HACD4: variants seen among roughly 807,000 people sequenced by gnomAD.
HACD4 encodes the protein 3-hydroxyacyl-CoA dehydratase 4.
A neutral mutation model predicts 33.3 loss-of-function variants in HACD4; 35 were observed. The ratio of observed to expected loss-of-function variants is 1.05; its 90% CI spans 0.80 to 1.39. HACD4 has a LOEUF of 1.39. HACD4 is among the 40% of genes most tolerant of loss of function. HACD4 has a pLI of 0.00. For missense variants in HACD4, 323 were observed against 276.5 expected (o/e 1.17, Z -1.19); for synonymous variants, 118 against 98.0 (o/e 1.20, Z -1.21).
At chr9:21,007,973 C>T (rs771861026) in intron 6 of HACD4, 48 bp downstream of exon 6, 4 of 1,539,284 alleles carry the variant, frequency 2.6e-6, no homozygotes, top group Non-Finnish European at 3.5e-6. Flanking sequence ...AAGCACTAAC[C>T]AAAAAGTACA....
chr9:21,023,260 C>G (rs1817973964), intron 3 of HACD4, among the ~76,000 whole-genome samples: 2 of 151,672 alleles, frequency 1.3e-5, no homozygotes, highest in East Asian at 3.9e-4. Context: ...GGAGATATAC[C>G]TAATATAAAT....
At position 21,026,682 on chromosome 9, in the gene HACD4, G is replaced by A. The variant is rs763725164; in HGVS notation, c.184C>T (p.Arg62Ter). Residue 62 changes from arginine to a stop codon, truncating the protein, a stop_gained, in exon 3 of 7, where the codon CGA (arginine) becomes TGA (stop). Transcript: ENST00000495827. LOFTEE classifies it high-confidence loss of function. ...DTFYAIGLVM[R>*]LCQSVSLLEL... ...AGGAGAGATACGGATTGGCAAAGTC[G>A]CATCACAAGTCCAATAGCATAAAAA... is the stretch of plus-strand genomic sequence containing the variant. 3.1e-6 allele frequency: 5 copies of A among 1,612,632 alleles called. No homozygotes were observed. The highest frequency in any genetic ancestry group is 2.7e-5 in the African/African-American group (2 of 74,876).
At chr9:21,007,242 T>C (rs1842293156) in intron 6 of HACD4, 123 bp from the exon 7 acceptor site, 1 of 645,134 alleles carries the variant, frequency 1.6e-6, no homozygotes, top group Non-Finnish European at 2.8e-6. Context: ...GCAAGGGAGA[T>C]GTGAGAAGGA....
intron 3 of HACD4, among the ~76,000 whole-genome samples, chr9:21,019,362 A>G (rs992883878): frequency 2.0e-5 from 3 of 152,148 alleles, no homozygotes; most frequent in Admixed American, 1.3e-4. Context: ...TTAAGTAATT[A>G]TACCAGAGAT....
rs1014060801 is a variant in HACD4, at chr9:21,005,976, C to A, written c.*1061G>T. ...AGTTCAAAGCTGGAAAGGAATTTTA[C>A]CTCAGGATGAATTCTACCTTGAATC... On this transcript the variant is annotated 3_prime_UTR_variant, in exon 7 of 7. Coordinates refer to ENST00000495827, the MANE Select transcript of HACD4 (RefSeq NM_001010915.5). The surrounding 1 kb of genome is among the most constrained non-coding windows in gnomAD (Gnocchi z 4.0). 6.6e-6 allele frequency: 1 copy of A among 152,204 alleles called. No individual in the cohort carries two copies. The highest frequency in any genetic ancestry group is 2.4e-5 in the African/African-American group (1 of 41,446). 9.4% of individuals were successfully genotyped at this position (152,204 alleles called of 1,614,324 possible). A position where few individuals can be genotyped will look rare whatever the true frequency, so the allele number is the denominator to read the frequency against.
chr9:21,011,289 T>C (rs1270907830), intron 5 of HACD4, among the ~76,000 whole-genome samples: 1 of 152,214 alleles, frequency 6.6e-6, no homozygotes, highest in Non-Finnish European at 1.5e-5. Flanking sequence ...AATGTTAACT[T>C]CTTTTTGGTG....
At chr9:21,016,884 A>G (rs980606105) in intron 3 of HACD4, among the ~76,000 whole-genome samples, 3 of 152,122 alleles carry the variant, frequency 2.0e-5, no homozygotes, top group African/African-American at 7.2e-5. Context: ...AGCATTTACA[A>G]ATCATTGAGA....
At chr9:21,016,142 A>C in intron 3 of HACD4, 132 bp from the exon 4 acceptor site, 1 of 563,130 alleles carries the variant, frequency 1.8e-6, no homozygotes, top group Non-Finnish European at 3.1e-6. Flanking sequence ...ACTGTTAACA[A>C]TGCCTCCCTC....
Position 21,031,582 on chromosome 9 carries a change from G to T in HACD4, c.9C>A (p.Pro3=). The T allele has an allele frequency of 7.0e-7, 1 of 1,438,608 alleles. No homozygotes were observed. 89.1% of individuals were successfully genotyped at this position (1,438,608 alleles called of 1,614,324 possible). A position where few individuals can be genotyped will look rare whatever the true frequency, so the allele number is the denominator to read the frequency against. The change falls in exon 1 of 7, where the codon CCC becomes CCA. Residue 3 remains proline (P), a synonymous_variant. Transcript: ENST00000495827. ...GCTGCAGCCAGGCGGGCAGCGCCAA[G>T]GGCCCCATGGGCCGCCGCCGCCAGG... MG[P]LALPAWLQPR...
chr9:21,030,398 C>T (rs749216576), intron 1 of HACD4, among the ~76,000 whole-genome samples: 1 of 151,884 alleles, frequency 6.6e-6, no homozygotes, highest in African/African-American at 2.4e-5. Flanking sequence ...ACCGAGACAG[C>T]GCCACTGCAC....
Position 21,029,332 on chromosome 9 carries a change from A to G in HACD4, c.105T>C (p.Phe35=). ...LIQFCGHSWI[F]TNMTVRFFSF... ...AAAAGAATCTGACTGTCATATTTGTAAATATCCAAGAGTGGCCACAGAACT... is the reference window on the plus strand; with the variant it reads ...AAAAGAATCTGACTGTCATATTTGTGAATATCCAAGAGTGGCCACAGAACT... Residue 35 remains phenylalanine, a synonymous_variant, in exon 2 of 7, where the codon TTT becomes TTC. Coordinates refer to ENST00000495827, the MANE Select transcript of HACD4 (RefSeq NM_001010915.5). The G allele has an allele frequency of 6.3e-7, 1 of 1,599,132 alleles. No individual in the cohort carries two copies. Among genetic ancestry groups the G allele is most frequent in the Non-Finnish European group, 8.6e-7 (1 of 1,168,816 alleles).
chr9:21,007,605 C>T (rs1842301065), intron 6 of HACD4, among the ~76,000 whole-genome samples: 1 of 151,998 alleles, frequency 6.6e-6, no homozygotes, highest in Admixed American at 6.6e-5. Flanking sequence ...TCTGTAACAC[C>T]GACTCCCATT....
chr9:21,002,088 TAAAG>T lies in HACD4; in HGVS notation c.*4945_*4948del, dbSNP rs1424967847. On this transcript the variant is annotated 3_prime_UTR_variant, in exon 7 of 7. Transcript: ENST00000495827. Reference sequence around the variant, plus strand: ...ACAGTGTATATAATTTTGTGAAACTTAAAGGAGTGATAGACAGAGATATAAAGAG... The same window carrying T: ...ACAGTGTATATAATTTTGTGAAACTTGAGTGATAGACAGAGATATAAAGAG... 1.3e-5 allele frequency: 2 copies of T among 152,142 alleles called. No individual in the cohort carries two copies. Among genetic ancestry groups the T allele is most frequent in the African/African-American group, 4.8e-5 (2 of 41,432 alleles). 9.4% of individuals were successfully genotyped at this position (152,142 alleles called of 1,614,324 possible).
chr9:21,010,456 A>ATT (rs1353043927), intron 5 of HACD4, among the ~76,000 whole-genome samples: 2 of 105,050 alleles, frequency 1.9e-5, no homozygotes, highest in Admixed American at 9.4e-5. Context: ...ACATCCTGGT[A>ATT]CCCCCCCCCC....
chr9:21,028,794 T>C (rs567799661), intron 2 of HACD4, among the ~76,000 whole-genome samples: 1 of 152,320 alleles, frequency 6.6e-6, no homozygotes, highest in South Asian at 2.1e-4. Context: ...ATATAAGTGG[T>C]TAGCCCTCTA....
At chr9:21,008,928 T>A (rs182618546) in intron 5 of HACD4, among the ~76,000 whole-genome samples, 1 of 152,126 alleles carries the variant, frequency 6.6e-6, no homozygotes, top group Admixed American at 6.5e-5. Flanking sequence ...AAGAGAAAGA[T>A]GAAGAAAAGG....
Position 21,010,905 on chromosome 9 carries a change from C to T in HACD4, c.490+684G>A, listed in dbSNP as rs188063476. 1.8e-3 allele frequency among the ~76,000 whole-genome samples: 267 copies of T among 152,236 alleles called. 1 individual carries two copies. Among genetic ancestry groups the T allele is most frequent in the African/African-American group, 6.2e-3 (259 of 41,542 alleles). On this transcript the variant is annotated intron_variant, in intron 5 of 6. Transcript: ENST00000495827. The stretch of plus-strand genomic sequence containing the variant: ...TTGTGCTCCAATAAGAATCTGATGC[C>T]TCCACTGATCTGACAGGAGGTAGAG...
In HACD4 at chr9:21,003,868, T is replaced by G. The variant is rs1261153323; in HGVS notation, c.*3169A>C. 1.3e-5 allele frequency: 2 copies of G among 152,166 alleles called. No individual in the cohort carries two copies. The highest frequency in any genetic ancestry group is 2.9e-5 in the Non-Finnish European group (2 of 68,022). The allele number at this position is 152,166 out of a possible 1,614,324, so 9.4% of individuals were successfully genotyped here. On this transcript the variant is annotated 3_prime_UTR_variant, in exon 7 of 7. Coordinates refer to ENST00000495827, the MANE Select transcript of HACD4 (RefSeq NM_001010915.5). ...AACAATTCAGTAATAATCCAAAACATGAATTTTCCTTTTTAAAAAGTACTT... is the reference window on the plus strand; with the variant it reads ...AACAATTCAGTAATAATCCAAAACAGGAATTTTCCTTTTTAAAAAGTACTT...
In HACD4 at chr9:21,024,021, C is replaced by T. The variant is rs546980444; in HGVS notation, c.270+2575G>A. 2.0e-5 allele frequency among the ~76,000 whole-genome samples: 3 copies of T among 152,342 alleles called. No individual in the cohort carries two copies. In the East Asian group the frequency reaches 5.8e-4, roughly 29 times the overall value. On this transcript the variant is annotated intron_variant, in intron 3 of 6. Transcript: ENST00000495827. ...AACAGGAAAACCAAGAATGATTACA[C>T]AATCTGAAAGTTTTGTTTCATTATT...
Sources: gnomAD v4.1 joint callset for allele counts (sites outside exome capture counted in the v4.1 genomes callset) on GRCh38, gnomAD v4.1.1 for gene constraint, Gnocchi (gnomAD v3.1) non-coding constraint, MANE v1.5 for transcripts, NCBI Gene and HGNC (gene_info 2026-07-23, HGNC 2026-07-21) for gene names.